Variants in HPS3 observed in about 807,000 individuals in gnomAD.
HPS3 encodes BLOC-2 complex member HPS3.
A neutral mutation model predicts 110.9 loss-of-function variants in HPS3; 79 were observed. The ratio of observed to expected loss-of-function variants is 0.71; its 90% CI spans 0.59 to 0.86. The LOEUF is 0.86. Among genes scored for constraint, HPS3 ranks in the 40% least tolerant of loss-of-function variants. The pLI is 0.00. For synonymous variants in HPS3, 428 were observed against 451.0 expected (o/e 0.95, Z 0.65); for missense variants, 1,197 against 1,206.2 (o/e 0.99, Z 0.11).
At chr3:149,141,405 G>A (rs749167874) in intron 4 of HPS3, 25 bp downstream of exon 4, 14 of 1,564,046 alleles carry the variant, frequency 9.0e-6, no homozygotes, top group South Asian at 4.4e-5. Context: ...GCAGGAGTGC[G>A]ACAGTGCAGC....
chr3:149,163,779 T>C, intron 13 of HPS3, 63 bp from the exon 14 acceptor site: 3 of 874,598 alleles, frequency 3.4e-6, no homozygotes, highest in Non-Finnish European at 3.9e-6. Flanking sequence ...TTGCTCTTTG[T>C]GGAATGGATA....
Position 149,172,144 on chromosome 3 carries a change from T to A in HPS3, c.2937T>A (p.Asn979Lys), listed in dbSNP as rs1255690815. 6.2e-7 allele frequency: 1 copy of A among 1,612,798 alleles called. No individual in the cohort carries two copies. The highest frequency in any genetic ancestry group is 1.7e-5 in the Admixed American group (1 of 59,996). Residue 979 changes from asparagine (N) to lysine (K), a missense_variant, in exon 17 of 17, where the codon AAT (asparagine) becomes AAA (lysine). Asn to Lys is a moderately conservative substitution (Grantham distance 94). Transcript: ENST00000296051. ...AACTAGAACTGAAGGATTTCATGAA[T>A]GTTCTCCCAGAAGATGGTACTGCAA... ...AVELELKDFMNVLPEDGTATF... is the reference protein window; with the variant it reads ...AVELELKDFMKVLPEDGTATF...
intron 11 of HPS3, among the ~76,000 whole-genome samples, chr3:149,160,929 A>G (rs1482272459): frequency 1.3e-5 from 2 of 152,218 alleles, no homozygotes; most frequent in African/African-American, 4.8e-5. Flanking sequence ...CAAATGAGGA[A>G]ATTAAGACAC....
chr3:149,155,119 T>C lies in HPS3; in HGVS notation c.1413T>C (p.Asp471=). 1.9e-6 allele frequency: 3 copies of C among 1,592,118 alleles called. No individual in the cohort carries two copies. Among genetic ancestry groups the C allele is most frequent in the Non-Finnish European group, 1.7e-6 (2 of 1,159,958 alleles). Residue 471 remains aspartate, a synonymous_variant, in exon 8 of 17, where the codon GAT becomes GAC. Transcript: ENST00000296051. ...GTTTTGCTTTTAGTTCGAGAAAAGA[T>C]ACCAGTGTTAAAATCAAAATACCTC... ...QSPKRLLSRK[D]TSVKIKIPPV...
intron 6 of HPS3, among the ~76,000 whole-genome samples, chr3:149,151,872 AG>A (rs1723152874): frequency 6.6e-6 from 1 of 152,210 alleles, no homozygotes; most frequent in Non-Finnish European, 1.5e-5. Context: ...TTTTTCCAGA[AG>A]GATAAGCCTT....
In HPS3 at chr3:149,134,382, G is replaced by GAGAA. The variant is rs142001462; in HGVS notation, c.217+4450_217+4453dup. 9.9e-3 allele frequency among the ~76,000 whole-genome samples: 1,512 copies of GAGAA among 152,288 alleles called. 11 individuals are homozygous for GAGAA. Among genetic ancestry groups the GAGAA allele is most frequent in the African/African-American group, 0.035 (1,460 of 41,530 alleles). On this transcript the variant is annotated intron_variant, in intron 1 of 16. Coordinates refer to ENST00000296051, the MANE Select transcript of HPS3 (RefSeq NM_032383.5). ...TTTATATGTGTGTGTGTGTGAGAGA[G>GAGAA]AGAAAGAAAGACAGGGACAGACAGG...
rs201917163 is a variant in HPS3, at chr3:149,129,687, A to G, written c.-37A>G. On this transcript the variant is annotated 5_prime_UTR_variant, in exon 1 of 17. Coordinates refer to ENST00000296051, the MANE Select transcript of HPS3 (RefSeq NM_032383.5). ...AGCGCGGGGTCTCCGGGCGCCCTGCAGGGCGGGCAGGCTGTGCCATCCCGC... is the reference window on the plus strand; with the variant it reads ...AGCGCGGGGTCTCCGGGCGCCCTGCGGGGCGGGCAGGCTGTGCCATCCCGC... 6.0e-6 allele frequency: 9 copies of G among 1,490,366 alleles called. No homozygotes were observed. The East Asian group carries it at 2.2e-4, about 37-fold the overall frequency. 92.3% of individuals were successfully genotyped at this position (1,490,366 alleles called of 1,614,324 possible).
rs756544891 is a variant in HPS3 at position 149,140,247 on chromosome 3, A to G, written c.461A>G (p.Asn154Ser). Reference sequence around the variant, plus strand: ...GGAGACCTTCTCGTTGGCTGCACAAATAAATTAGTCTTATTTAGTTTGAAG... The same window carrying G: ...GGAGACCTTCTCGTTGGCTGCACAAGTAAATTAGTCTTATTTAGTTTGAAG... Reference protein sequence around the residue: ...VKGDLLVGCTNKLVLFSLKYQ... With the variant: ...VKGDLLVGCTSKLVLFSLKYQ... Residue 154 changes from asparagine to serine, a missense_variant, in exon 2 of 17, where the codon AAT becomes AGT. Asn to Ser is a conservative substitution (Grantham distance 46). Coordinates refer to ENST00000296051, the MANE Select transcript of HPS3 (RefSeq NM_032383.5). 31 of 1,614,110 alleles carry G rather than the reference A, an allele frequency of 1.9e-5. No homozygotes were observed. In the South Asian group the frequency reaches 3.3e-4, roughly 17 times the overall value.
intron 14 of HPS3, among the ~76,000 whole-genome samples, chr3:149,164,265 T>G (rs1196167249): frequency 6.6e-6 from 1 of 152,204 alleles, no homozygotes; most frequent in Non-Finnish European, 1.5e-5. Context: ...GGCAAATGTT[T>G]AGTGGTGTTT....
At chr3:149,136,986 G>A (rs1204945413) in intron 1 of HPS3, among the ~76,000 whole-genome samples, 1 of 152,082 alleles carries the variant, frequency 6.6e-6, no homozygotes, top group Admixed American at 6.5e-5. Context: ...CTTTATCAAA[G>A]TTAATGACTG....
intron 11 of HPS3, among the ~76,000 whole-genome samples, chr3:149,161,204 T>A (rs1723785420): frequency 6.6e-6 from 1 of 152,188 alleles, no homozygotes; most frequent in South Asian, 2.1e-4. Context: ...GAAAAATGAA[T>A]TTTATCTTCA....
chr3:149,142,085 T>G (rs899434113), intron 4 of HPS3, among the ~76,000 whole-genome samples: 1 of 149,054 alleles, frequency 6.7e-6, no homozygotes, highest in Non-Finnish European at 1.5e-5. Flanking sequence ...CCCGACCTCA[T>G]TGATCCGCCC....
chr3:149,133,384 C>A lies in HPS3; in HGVS notation c.217+3444C>A, dbSNP rs1218067552. ...GCGTGAACTCGGCTCACCACAACCTCCACCTCCCAGGTTTAAGCAATTCCC... is the reference window on the plus strand; with the variant it reads ...GCGTGAACTCGGCTCACCACAACCTACACCTCCCAGGTTTAAGCAATTCCC... On this transcript the variant is annotated intron_variant, in intron 1 of 16. Transcript: ENST00000296051. 2.0e-5 allele frequency among the ~76,000 whole-genome samples: 3 copies of A among 152,216 alleles called. No homozygotes were observed. In the East Asian group the frequency reaches 5.8e-4, roughly 29 times the overall value.
chr3:149,157,614 TA>T, intron 9 of HPS3, 83 bp downstream of exon 9: 1 of 1,250,044 alleles, frequency 8.0e-7, no homozygotes, highest in Non-Finnish European at 1.2e-6. Flanking sequence ...CTCTGGTAGT[TA>T]CCTGATAAAT....
intron 10 of HPS3, among the ~76,000 whole-genome samples, chr3:149,159,792 C>T (rs559430615): frequency 3.6e-4 from 55 of 152,208 alleles, no homozygotes; most frequent in African/African-American, 1.2e-3. Flanking sequence ...AAATTAGAAA[C>T]GCTGGCCATA....
intron 4 of HPS3, among the ~76,000 whole-genome samples, chr3:149,144,938 T>G (rs1722699490): frequency 6.6e-6 from 1 of 152,248 alleles, no homozygotes; most frequent in Non-Finnish European, 1.5e-5. Context: ...TACTTGTTTC[T>G]TTTTACTTTT....
At chr3:149,135,394 A>C (rs1449261352) in intron 1 of HPS3, among the ~76,000 whole-genome samples, 2 of 152,112 alleles carry the variant, frequency 1.3e-5, no homozygotes, top group African/African-American at 4.8e-5. Context: ...TAATTGGATC[A>C]TGGGGACAGT....
At chr3:149,152,407 AG>A (rs1246070421) in intron 6 of HPS3, among the ~76,000 whole-genome samples, 1 of 152,162 alleles carries the variant, frequency 6.6e-6, no homozygotes, top group African/African-American at 2.4e-5. Context: ...TGAAGGAACA[AG>A]GAAGAGACAA....
chr3:149,145,796 C>T (rs547644394), intron 5 of HPS3, among the ~76,000 whole-genome samples: 2 of 152,266 alleles, frequency 1.3e-5, no homozygotes, highest in South Asian at 4.1e-4. Context: ...TAAGGTTCTT[C>T]ATAAAGGAAG....
Sources: gnomAD v4.1 joint callset for allele counts (sites outside exome capture counted in the v4.1 genomes callset) on GRCh38, gnomAD v4.1.1 for gene constraint, MANE v1.5 for transcripts, NCBI Gene and HGNC (gene_info 2026-07-23, HGNC 2026-07-21) for gene names.